The following DLG5 variants were observed in gnomAD, a reference collection of about 807,000 sequenced individuals.
DLG5 encodes disks large homolog 5.
A neutral mutation model predicts 189.8 loss-of-function variants in DLG5; 48 were observed. That is an observed-to-expected ratio of 0.25 (90% CI 0.20 to 0.32). The LOEUF (loss-of-function observed/expected upper bound fraction) is 0.32, where lower values mean the gene tolerates loss of function less well. DLG5 is among the 10% of genes least tolerant of loss of function. The pLI, the probability that DLG5 is intolerant of heterozygous loss-of-function variation, is 1.00. For missense variants in DLG5, 2,160 were observed against 2,544.7 expected (o/e 0.85, Z 3.25); for synonymous variants, 1,016 against 1,054.1 (o/e 0.96, Z 0.70).
At chr10:77,793,911 A>G (rs1840769169) in intron 31 of DLG5, 97 bp downstream of exon 31, 1 of 1,101,422 alleles carries the variant, frequency 9.1e-7, no homozygotes, top group Non-Finnish European at 1.4e-6. Context: ...GAGCATGTAG[A>G]AAGTGCGGGC....
chr10:77,938,093 T>G, the DLG5 span, among the ~76,000 whole-genome samples: 1 of 152,050 alleles, frequency 6.6e-6, no homozygotes, highest in African/African-American at 2.4e-5. Flanking sequence ...ACAGAACACC[T>G]GTTCGGTTCA....
chr10:77,839,969 G>A (rs143074701), intron 7 of DLG5, among the ~76,000 whole-genome samples: 252 of 152,184 alleles, frequency 1.7e-3, no homozygotes, highest in African/African-American at 5.3e-3. Context: ...AGATTCAGAC[G>A]GGCATAATAA....
intron 23 of DLG5, among the ~76,000 whole-genome samples, 197 bp from the exon 24 acceptor site, chr10:77,809,927 A>G (rs1841678266): frequency 6.6e-6 from 1 of 152,008 alleles, no homozygotes; most frequent in Admixed American, 6.6e-5. Context: ...TGAAGGCAAG[A>G]CCCCAGGTCC....
chr10:77,893,363 T>C (rs1160511822), intron 1 of DLG5, among the ~76,000 whole-genome samples: 1 of 152,244 alleles, frequency 6.6e-6, no homozygotes, highest in Non-Finnish European at 1.5e-5. Flanking sequence ...CACATTTTCC[T>C]TATCCACCAG....
chr10:77,835,586 G>C, intron 8 of DLG5, 152 bp downstream of exon 8: 3 of 773,616 alleles, frequency 3.9e-6, no homozygotes, highest in Non-Finnish European at 5.9e-6. Flanking sequence ...GGCAAGGCTA[G>C]GGCATCAACT....
intron 7 of DLG5, among the ~76,000 whole-genome samples, chr10:77,841,474 G>A (rs549998374): frequency 1.3e-5 from 2 of 152,352 alleles, no homozygotes; most frequent in East Asian, 3.9e-4. Context: ...CCCTGAGGGT[G>A]CTCTTCCAGA....
chr10:77,902,929 C>A (rs1341246556), intron 1 of DLG5, among the ~76,000 whole-genome samples: 1 of 151,974 alleles, frequency 6.6e-6, no homozygotes, highest in African/African-American at 2.4e-5. Flanking sequence ...ATCCCTCATT[C>A]TGGGCGACAG....
At chr10:77,827,036 A>T (rs1196671605) in intron 13 of DLG5, among the ~76,000 whole-genome samples, 2 of 152,264 alleles carry the variant, frequency 1.3e-5, no homozygotes, top group East Asian at 3.9e-4. Context: ...CCCCCCAAAA[A>T]TGTGTGAGAT....
intron 3 of DLG5, among the ~76,000 whole-genome samples, chr10:77,855,724 A>T (rs753448194): frequency 2.0e-5 from 3 of 152,248 alleles, no homozygotes; most frequent in Non-Finnish European, 4.4e-5. Context: ...CTCAGGGATC[A>T]GGCTCTGCAG....
rs556216556 is a variant in DLG5 at position 77,828,131 on chromosome 10, AT to A, written c.2289+750del. Among the ~76,000 whole-genome samples, 479 of 152,320 alleles carry A rather than the reference AT, an allele frequency of 3.1e-3. 3 individuals carry two copies. Among genetic ancestry groups the A allele is most frequent in the African/African-American group, 0.011 (442 of 41,556 alleles). ...TAAAAGTCACAACACAATGATGTCA[AT>A]TTTTTTAATTGTCCTTGATAAACAT... On this transcript the variant is annotated intron_variant, in intron 13 of 31. Coordinates refer to ENST00000372391, the MANE Select transcript of DLG5 (RefSeq NM_004747.4).
intron 1 of DLG5, among the ~76,000 whole-genome samples, chr10:77,899,336 C>T (rs1845856302): frequency 6.6e-6 from 1 of 152,174 alleles, no homozygotes. Flanking sequence ...CAGAAAACTC[C>T]CCAAAGCCTG....
chr10:77,912,194 A>G (rs761953525), intron 1 of DLG5: 6 of 133,152 alleles, frequency 4.5e-5, no homozygotes, highest in Admixed American at 8.2e-5. Context: ...ACAGGGTAAG[A>G]CCCTGTCTCT....
In DLG5 at chr10:77,903,053, T is replaced by C. The variant is rs568346484; in HGVS notation, c.304+23164A>G. On this transcript the variant is annotated intron_variant, in intron 1 of 31. Transcript: ENST00000372391. ...AAACTTTCAGAGCATCAACATGAGATAGTAACACCTTTGCATTCTGATGGT... is the reference window on the plus strand; with the variant it reads ...AAACTTTCAGAGCATCAACATGAGACAGTAACACCTTTGCATTCTGATGGT... 1.1e-4 allele frequency among the ~76,000 whole-genome samples: 16 copies of C among 152,348 alleles called. No homozygotes were observed. In the East Asian group the frequency reaches 1.7e-3, roughly 17 times the overall value.
chr10:77,794,388 G>A (rs1027967557), intron 30 of DLG5, among the ~76,000 whole-genome samples: 25 of 152,246 alleles, frequency 1.6e-4, no homozygotes, highest in African/African-American at 6.0e-4. Flanking sequence ...AGCACAGAAA[G>A]GCAAAATGGA....
chr10:77,812,055 G>T lies in DLG5; in HGVS notation c.4191C>A (p.Phe1397Leu). ...GLEYGDQLLE[F>L]NGINLRSATE... ...TGGCGCTCCGCAGGTTTATGCCGTTGAACTGGGGAAACACCAGGATGGGCT... is the reference window on the plus strand; with the variant it reads ...TGGCGCTCCGCAGGTTTATGCCGTTTAACTGGGGAAACACCAGGATGGGCT... The change falls in exon 22 of 32, where the codon TTC becomes TTA. Residue 1397 changes from phenylalanine to leucine, a missense_variant and splice_region_variant. Phe to Leu is a conservative substitution (Grantham distance 22). Coordinates refer to ENST00000372391, the MANE Select transcript of DLG5 (RefSeq NM_004747.4). 6.2e-7 allele frequency: 1 copy of T among 1,609,522 alleles called. No homozygotes were observed.
At chr10:77,863,007 C>T (rs1438532305) in intron 2 of DLG5, among the ~76,000 whole-genome samples, 1 of 152,144 alleles carries the variant, frequency 6.6e-6, no homozygotes, top group African/African-American at 2.4e-5. Context: ...GGTTGCATGA[C>T]TATTTGTCAA....
chr10:77,922,528 C>T (rs1846565945), intron 1 of DLG5, among the ~76,000 whole-genome samples: 1 of 152,094 alleles, frequency 6.6e-6, no homozygotes, highest in Non-Finnish European at 1.5e-5. Context: ...ATTTCAGAGT[C>T]CCACAGTGAC....
intron 1 of DLG5, among the ~76,000 whole-genome samples, chr10:77,879,922 A>C (rs1845224459): frequency 1.3e-5 from 2 of 152,062 alleles, no homozygotes; most frequent in East Asian, 3.9e-4. Context: ...ACAGGCCTCA[A>C]GTTCACTGAC....
chr10:77,849,543 G>A (rs1843861177), intron 5 of DLG5, among the ~76,000 whole-genome samples: 1 of 152,256 alleles, frequency 6.6e-6, no homozygotes, highest in African/African-American at 2.4e-5. Flanking sequence ...TTCTCCTGGT[G>A]GGGTCTGGAG....
Sources: gnomAD v4.1 joint callset for allele counts (sites outside exome capture counted in the v4.1 genomes callset) on GRCh38, gnomAD v4.1.1 for gene constraint, MANE v1.5 for transcripts, NCBI Gene and HGNC (gene_info 2026-07-23, HGNC 2026-07-21) for gene names.